Variants in UBE4A observed in about 807,000 individuals in gnomAD.
The protein encoded by UBE4A is ubiquitin conjugation factor E4 A.
Under a neutral mutation model 117.9 loss-of-function variants are expected in UBE4A, and 48 were observed. The observed-to-expected ratio is 0.41, with a 90% CI of 0.32 to 0.52. The LOEUF is 0.52. Among genes scored for constraint, UBE4A ranks in the 20% least tolerant of loss-of-function variants. UBE4A has a pLI of 0.33. For synonymous variants in UBE4A, 407 were observed against 450.0 expected, an observed-to-expected ratio of 0.90 and a Z score of 1.21; for missense variants, 1,067 against 1,296.3, an observed-to-expected ratio of 0.82 and a Z score of 2.72.
chr11:118,392,202 G>A (rs1340853576), intron 18 of UBE4A, among the ~76,000 whole-genome samples: 2 of 152,046 alleles, frequency 1.3e-5, no homozygotes, highest in African/African-American at 4.8e-5. Context: ...CTTTTTTATT[G>A]AGTTGGACTT....
chr11:118,361,897 A>G (rs1199748821), intron 1 of UBE4A, among the ~76,000 whole-genome samples: 1 of 152,258 alleles, frequency 6.6e-6, no homozygotes, highest in African/African-American at 2.4e-5. Context: ...TGCCAGACAC[A>G]GAAGAAAGAA....
intron 9 of UBE4A, 133 bp from the exon 10 acceptor site, chr11:118,376,435 TATATTC>T: frequency 8.0e-7 from 1 of 1,249,740 alleles, no homozygotes; most frequent in Non-Finnish European, 1.1e-6. Context: ...AACCAAAAGA[TATATTC>T]AGACAAAGAA....
chr11:118,374,797 G>A, intron 8 of UBE4A, 99 bp from the exon 9 acceptor site: 1 of 1,123,918 alleles, frequency 8.9e-7, no homozygotes. Flanking sequence ...GGAAAGATTA[G>A]GATTAGCATA....
At position 118,375,230 on chromosome 11, in the gene UBE4A, G is replaced by C; in HGVS notation, c.1450+1G>C. 1 of 1,593,124 alleles carries C rather than the reference G, an allele frequency of 6.3e-7. No individual in the cohort carries two copies. The highest frequency in any genetic ancestry group is 8.6e-7 in the Non-Finnish European group (1 of 1,166,936). ...AAAATTAAAAATGTACACATGAGAG[G>C]TAGGAGAGAACCAGGCTTCTCAAAA... On this transcript the variant is annotated splice_donor_variant, in intron 9 of 19. Coordinates refer to ENST00000252108, the MANE Select transcript of UBE4A (RefSeq NM_001204077.2). LOFTEE classifies it high-confidence loss of function.
chr11:118,391,148 A>G (rs1432754951), intron 18 of UBE4A, among the ~76,000 whole-genome samples: 1 of 152,230 alleles, frequency 6.6e-6, no homozygotes, highest in Non-Finnish European at 1.5e-5. Flanking sequence ...TAGAACTACA[A>G]TATTCTTAGT....
intron 18 of UBE4A, among the ~76,000 whole-genome samples, chr11:118,391,668 C>T (rs1044656599): frequency 2.6e-5 from 4 of 151,676 alleles, no homozygotes; most frequent in African/African-American, 2.4e-5. Flanking sequence ...GTGGCAGGCA[C>T]CTGTAGTCCC....
At chr11:118,382,556 A>C (rs374378969) in intron 12 of UBE4A, 33 bp from the exon 13 acceptor site, 1 of 1,489,716 alleles carries the variant, frequency 6.7e-7, no homozygotes, top group Non-Finnish European at 9.0e-7. Context: ...AGTTAAGCTT[A>C]TCTGCTCATC....
intron 4 of UBE4A, among the ~76,000 whole-genome samples, chr11:118,370,428 C>T (rs192153095): frequency 6.6e-6 from 1 of 152,206 alleles, no homozygotes; most frequent in East Asian, 1.9e-4. Context: ...GTTACCAGCC[C>T]TGGCAACATA....
chr11:118,372,497 C>G lies in UBE4A; in HGVS notation c.562-10C>G. On this transcript the variant is annotated splice_polypyrimidine_tract_variant and intron_variant, in intron 5 of 19. Coordinates refer to ENST00000252108, the MANE Select transcript of UBE4A (RefSeq NM_001204077.2). ...TAGACTATTCCCTCTTTTCTTCATG[C>G]TGTTTGCAGATTACCAAAGTTCCAG... 6.3e-7 allele frequency: 1 copy of G among 1,597,938 alleles called. No homozygotes were observed. Among genetic ancestry groups the G allele is most frequent in the Middle Eastern group, 1.7e-4 (1 of 5,994 alleles).
At chr11:118,373,373 C>T in intron 7 of UBE4A, 85 bp downstream of exon 7, 2 of 1,530,106 alleles carry the variant, frequency 1.3e-6, no homozygotes, top group Non-Finnish European at 1.8e-6. Flanking sequence ...TATAATACTA[C>T]CTATAAAATA....
At chr11:118,372,320 G>A (rs1020944896) in intron 5 of UBE4A, among the ~76,000 whole-genome samples, 187 bp from the exon 6 acceptor site, 4 of 152,114 alleles carry the variant, frequency 2.6e-5, no homozygotes, top group Admixed American at 6.5e-5. Flanking sequence ...AGGCTAAGCC[G>A]GATATTTCCA....
At chr11:118,380,120 TGTGTGTGTGTGTGC>T (rs1325603981) in intron 11 of UBE4A, among the ~76,000 whole-genome samples, 18 of 90,762 alleles carry the variant, frequency 2.0e-4, no homozygotes, top group East Asian at 9.4e-4. Context: ...GGAAAGAGTG[TGTGTGTGTGTGTGC>T]GTGTGTGTGT....
In UBE4A at chr11:118,375,017, G is replaced by A. The variant is rs782367952; in HGVS notation, c.1238G>A (p.Arg413His). ...LGNCLHANAG[R>H]TKIWANQMPE... ...AACTGTTTGCATGCAAATGCAGGCC[G>A]CACCAAGATTTGGGCCAATCAGATG... Residue 413 changes from arginine (R) to histidine (H), a missense_variant, in exon 9 of 20, where the codon CGC becomes CAC. Physicochemically the swap from Arg to His is conservative, Grantham distance 29. Around this residue, in one of 3 missense-constraint regions of UBE4A, gnomAD observed 1,001 missense variants for 1,184.0 expected, o/e 0.85. Transcript: ENST00000252108. The A allele has an allele frequency of 7.4e-6, 12 of 1,613,718 alleles. No individual in the cohort carries two copies. The African/African-American group carries it at 8.0e-5, about 11-fold the overall frequency.
At position 118,365,120 on chromosome 11, in the gene UBE4A, C is replaced by T; in HGVS notation, c.40C>T (p.Pro14Ser). ...GAATAACAACAACATCTCAAGTAAC[C>T]CCTTTGCTGCTCTTTTTGGCTCCCT... is the stretch of plus-strand genomic sequence containing the variant. ...QENNNNISSN[P>S]FAALFGSLAD... Residue 14 changes from proline to serine, a missense_variant, in exon 2 of 20, where the codon CCC becomes TCC. By Grantham distance (74) the Pro-to-Ser change is moderately conservative. This residue lies in a region of UBE4A where 1,001 missense variants were observed against 1,184.0 expected (regional missense o/e 0.85). Coordinates refer to ENST00000252108, the MANE Select transcript of UBE4A (RefSeq NM_001204077.2). 6.2e-7 allele frequency: 1 copy of T among 1,613,818 alleles called. No individual in the cohort carries two copies. Among genetic ancestry groups the T allele is most frequent in the Non-Finnish European group, 8.5e-7 (1 of 1,179,902 alleles).
Position 118,397,803 on chromosome 11 carries a change from A to G in UBE4A, c.*1363A>G, listed in dbSNP as rs1948888861. 6.6e-6 allele frequency: 1 copy of G among 152,238 alleles called. No individual in the cohort carries two copies. The highest frequency in any genetic ancestry group is 2.1e-4 in the South Asian group (1 of 4,836). 9.4% of individuals were successfully genotyped at this position (152,238 alleles called of 1,614,324 possible). ...TCTCTTTCAAATAAATAGTAGTTTT[A>G]TATTTCAACACAAGTTGCTATAAGC... On this transcript the variant is annotated 3_prime_UTR_variant, in exon 20 of 20. Transcript: ENST00000252108.
chr11:118,380,465 C>G (rs1308855438), intron 11 of UBE4A, among the ~76,000 whole-genome samples: 3 of 152,002 alleles, frequency 2.0e-5, no homozygotes, highest in Non-Finnish European at 4.4e-5. Context: ...ACTTGTAGTT[C>G]CAGCTACTCA....
At chr11:118,362,075 T>A (rs1284240179) in intron 1 of UBE4A, among the ~76,000 whole-genome samples, 1 of 152,204 alleles carries the variant, frequency 6.6e-6, no homozygotes, top group Non-Finnish European at 1.5e-5. Flanking sequence ...AAGAAGGAAG[T>A]AATGCAGTTT....
chr11:118,393,185 G>C (rs976754837), intron 19 of UBE4A, among the ~76,000 whole-genome samples: 1 of 152,148 alleles, frequency 6.6e-6, no homozygotes, highest in Non-Finnish European at 1.5e-5. Context: ...GGGAGGCCGA[G>C]GCAGGTGGAT....
In UBE4A at chr11:118,379,716, G is replaced by C. The variant is rs1555125983; in HGVS notation, c.1842G>C (p.Leu614Phe). ...GSQPIELTFP[L>F]PDGYSSLAYV... Reference sequence around the variant, plus strand: ...AGCCAATAGAGCTAACCTTTCCTTTGCCAGATGGCTACAGCTCTTTGGCTT... The same window carrying C: ...AGCCAATAGAGCTAACCTTTCCTTTCCCAGATGGCTACAGCTCTTTGGCTT... The change falls in exon 11 of 20, where the codon TTG becomes TTC. Residue 614 changes from leucine to phenylalanine, a missense_variant. Around this residue, in one of 3 missense-constraint regions of UBE4A, gnomAD observed 1,001 missense variants for 1,184.0 expected, o/e 0.85. Transcript: ENST00000252108. The C allele has an allele frequency of 1.9e-6, 3 of 1,612,562 alleles. No homozygotes were observed. Among genetic ancestry groups the C allele is most frequent in the Admixed American group, 1.7e-5 (1 of 60,008 alleles).
Sources: allele counts gnomAD v4.1 joint callset (sites outside exome capture counted in the v4.1 genomes callset), GRCh38; gene constraint gnomAD v4.1.1; regional missense constraint gnomAD v4.1.1; transcripts MANE v1.5; gene names NCBI Gene and HGNC (gene_info 2026-07-23, HGNC 2026-07-21).